The following PIP5K1C variants were observed in gnomAD, a reference collection of about 807,000 sequenced individuals.
PIP5K1C encodes phosphatidylinositol-4-phosphate 5-kinase type 1 gamma.
A neutral mutation model predicts 80.1 loss-of-function variants in PIP5K1C; 45 were observed. That is an observed-to-expected ratio of 0.56 (90% CI 0.44 to 0.72). The LOEUF is 0.72. Among genes scored for constraint, PIP5K1C ranks in the 30% least tolerant of loss-of-function variants. The pLI is 0.00. For synonymous variants in PIP5K1C, 498 were observed against 420.1 expected (o/e 1.19, Z -2.27); for missense variants, 753 against 954.6 (o/e 0.79, Z 2.78).
In PIP5K1C at chr19:3,696,984, C is replaced by T. The variant is rs1440901413; in HGVS notation, c.94+3313G>A. On this transcript the variant is annotated intron_variant, in intron 1 of 17. Coordinates refer to ENST00000335312, the MANE Select transcript of PIP5K1C (RefSeq NM_012398.3). The surrounding 1 kb of genome is among the most constrained non-coding windows in gnomAD (Gnocchi z 4.1). The stretch of plus-strand genomic sequence containing the variant: ...GAGGACTGAGCTGGACCGAGGAGGA[C>T]TGAGCTGGACGGAGGAGGATCGAGC... Among the ~76,000 whole-genome samples, 1 of 152,022 alleles carries T rather than the reference C, an allele frequency of 6.6e-6. No homozygotes were observed. The highest frequency in any genetic ancestry group is 1.5e-5 in the Non-Finnish European group (1 of 67,978).
chr19:3,677,764 ATGGAG>A (rs2035410651), intron 1 of PIP5K1C, among the ~76,000 whole-genome samples: 1 of 75,330 alleles, frequency 1.3e-5, no homozygotes, highest in Admixed American at 1.2e-4. Flanking sequence ...GGGATGGAGG[ATGGAG>A]GATGGAGGGA....
chr19:3,668,991 C>G (rs1257914124), intron 1 of PIP5K1C, among the ~76,000 whole-genome samples: 1 of 152,160 alleles, frequency 6.6e-6, no homozygotes, highest in Non-Finnish European at 1.5e-5. Context: ...GATGCTGGCA[C>G]CACCCAGGGC....
chr19:3,651,971 G>C lies in PIP5K1C; in HGVS notation c.982C>G (p.Gln328Glu), dbSNP rs1299486963. Residue 328 changes from glutamine to glutamate, a missense_variant, in exon 8 of 18, where the codon CAG (glutamine) becomes GAG (glutamate). Around this residue, in one of 6 missense-constraint regions of PIP5K1C, gnomAD observed 105 missense variants for 133.4 expected, o/e 0.79. Coordinates refer to ENST00000335312, the MANE Select transcript of PIP5K1C (RefSeq NM_012398.3). The stretch of plus-strand genomic sequence containing the variant: ...TGCGCCTGCCGCTCGCGCTCGTGCT[G>C]GTCGATGTTGTGCACGCCCAGCAGC... ...SLLLGVHNID[Q>E]HERERQAQGA... The C allele has an allele frequency of 6.2e-7, 1 of 1,613,120 alleles. No homozygotes were observed. Among genetic ancestry groups the C allele is most frequent in the Non-Finnish European group, 8.5e-7 (1 of 1,179,974 alleles).
chr19:3,681,487 C>T (rs1416477898), intron 1 of PIP5K1C, among the ~76,000 whole-genome samples: 1 of 152,138 alleles, frequency 6.6e-6, no homozygotes, highest in Admixed American at 6.5e-5. Context: ...CCACCTCGGC[C>T]TCCCAAAGTG....
At position 3,637,134 on chromosome 19, in the gene PIP5K1C, G is replaced by T; in HGVS notation, c.1920+1750C>A. On this transcript the variant is annotated intron_variant, in intron 16 of 17. Coordinates refer to ENST00000335312, the MANE Select transcript of PIP5K1C (RefSeq NM_012398.3). This position sits in a 1 kb window ranked among gnomAD's most constrained non-coding sequence, Gnocchi z 7.0. ...TGCTGACCTGTGCAACCTCCCCTGTGCAGCCAGCGGGGCCACGGGCAGCCA... is the reference window on the plus strand; with the variant it reads ...TGCTGACCTGTGCAACCTCCCCTGTTCAGCCAGCGGGGCCACGGGCAGCCA... 3 of 1,383,106 alleles carry T rather than the reference G, an allele frequency of 2.2e-6. No individual in the cohort carries two copies. Among genetic ancestry groups the T allele is most frequent in the East Asian group, 5.7e-5 (2 of 35,274 alleles). The allele number at this position is 1,383,106 out of a possible 1,614,324, so 85.7% of individuals were successfully genotyped here.
chr19:3,679,295 C>T (rs2035514774), intron 1 of PIP5K1C, among the ~76,000 whole-genome samples: 1 of 152,104 alleles, frequency 6.6e-6, no homozygotes, highest in Non-Finnish European at 1.5e-5. Context: ...GGCTCCCCAC[C>T]CAGCACCACA....
At chr19:3,694,334 C>T (rs1032168058) in intron 1 of PIP5K1C, among the ~76,000 whole-genome samples, 2 of 152,180 alleles carry the variant, frequency 1.3e-5, no homozygotes. Context: ...CCCAGGCTCC[C>T]GGAGCCTCCA....
At chr19:3,666,662 T>C (rs1210571109) in intron 2 of PIP5K1C, among the ~76,000 whole-genome samples, 1 of 138,442 alleles carries the variant, frequency 7.2e-6, no homozygotes, top group Non-Finnish European at 1.5e-5. Context: ...CACGCAAACA[T>C]GCACACACAC....
intron 13 of PIP5K1C, 24 bp downstream of exon 13, chr19:3,643,219 A>G (rs1375693835): frequency 6.2e-7 from 1 of 1,610,992 alleles, no homozygotes. Context: ...CCCCGCCCAC[A>G]TGCACTGCGG....
chr19:3,683,455 G>A (rs750875930), intron 1 of PIP5K1C, among the ~76,000 whole-genome samples: 3 of 152,202 alleles, frequency 2.0e-5, no homozygotes, highest in Admixed American at 1.3e-4. Flanking sequence ...GGCCAGAGAC[G>A]AGCTAGCCCA....
Position 3,641,787 on chromosome 19 carries a change from C to T in PIP5K1C, c.1705G>A (p.Glu569Lys). Residue 569 changes from glutamate to lysine, a missense_variant, in exon 15 of 18, where the codon GAA becomes AAA. Physicochemically the swap from Glu to Lys is moderately conservative, Grantham distance 56. Coordinates refer to ENST00000335312, the MANE Select transcript of PIP5K1C (RefSeq NM_012398.3). ...ACTGTAATCTGCTGCAGATCCTCTT[C>T]CGCGGGTGGCTCCTCCTGCGGCCTG... ...DGRPQEEPPA[E>K]EDLQQITVQV... 1 of 1,612,084 alleles carries T rather than the reference C, an allele frequency of 6.2e-7. No individual in the cohort carries two copies. Among genetic ancestry groups the T allele is most frequent in the Non-Finnish European group, 8.5e-7 (1 of 1,180,002 alleles).
chr19:3,687,793 T>C (rs1366215764), intron 1 of PIP5K1C, among the ~76,000 whole-genome samples: 1 of 151,324 alleles, frequency 6.6e-6, no homozygotes, highest in Non-Finnish European at 1.5e-5. Flanking sequence ...CCCTGCCGGG[T>C]GCTCCCCGCA....
intron 1 of PIP5K1C, chr19:3,668,312 G>C (rs1424172919): frequency 1.3e-5 from 2 of 152,248 alleles, no homozygotes; most frequent in Non-Finnish European, 2.9e-5. Flanking sequence ...CTCTACAGCT[G>C]TGATTACAGG....
At position 3,648,953 on chromosome 19, in the gene PIP5K1C, T is replaced by C. The variant is rs2066800073; in HGVS notation, c.1128-245A>G. On this transcript the variant is annotated intron_variant, in intron 8 of 17. Transcript: ENST00000335312. The surrounding 1 kb of genome is among the most constrained non-coding windows in gnomAD (Gnocchi z 4.3). ...CTAGGAGGCCTGGGCACATACCCCC[T>C]ACACACACGTGTGCCTGGACACACA... Among the ~76,000 whole-genome samples, 1 of 152,050 alleles carries C rather than the reference T, an allele frequency of 6.6e-6. No homozygotes were observed. The highest frequency in any genetic ancestry group is 6.5e-5 in the Admixed American group (1 of 15,272).
rs1438349775 is a variant in PIP5K1C at position 3,631,393 on chromosome 19, T to TG, written c.*1773dup. On this transcript the variant is annotated 3_prime_UTR_variant, in exon 18 of 18. Transcript: ENST00000335312. The stretch of plus-strand genomic sequence containing the variant: ...TGCCCCTGCCTCCCCGGGGGGTGCC[T>TG]GCTGGGTGTCCTTCGGAGGGACAGG... 1 of 152,672 alleles carries TG rather than the reference T, an allele frequency of 6.5e-6. No homozygotes were observed. Among genetic ancestry groups the TG allele is most frequent in the East Asian group, 1.9e-4 (1 of 5,200 alleles). 9.5% of individuals were successfully genotyped at this position (152,672 alleles called of 1,614,324 possible). A position where few individuals can be genotyped will look rare whatever the true frequency, so the allele number is the denominator to read the frequency against.
At chr19:3,690,656 G>A (rs2035920042) in intron 1 of PIP5K1C, among the ~76,000 whole-genome samples, 1 of 152,092 alleles carries the variant, frequency 6.6e-6, no homozygotes, top group Non-Finnish European at 1.5e-5. Flanking sequence ...CAAAATACCT[G>A]CCAGACGTTA....
At chr19:3,646,944 AG>A (rs2034244434) in intron 10 of PIP5K1C, among the ~76,000 whole-genome samples, 1 of 125,682 alleles carries the variant, frequency 8.0e-6, no homozygotes, top group African/African-American at 3.1e-5. Context: ...GCACTCACAG[AG>A]GGAGGAGGGA....
intron 14 of PIP5K1C, among the ~76,000 whole-genome samples, chr19:3,642,608 G>A (rs1313826904): frequency 1.3e-5 from 2 of 152,180 alleles, no homozygotes; most frequent in Non-Finnish European, 2.9e-5. Context: ...CAGGCCGTGG[G>A]CAGGAGGGGG....
At position 3,643,270 on chromosome 19, in the gene PIP5K1C, G is replaced by C. The variant is rs780859590; in HGVS notation, c.1622C>G (p.Ser541Trp). Residue 541 changes from serine (S) to tryptophan (W), a missense_variant, in exon 13 of 18, where the codon TCG (serine) becomes TGG (tryptophan). This residue lies in a region of PIP5K1C where 315 missense variants were observed against 294.5 expected (regional missense o/e 1.07). Coordinates refer to ENST00000335312, the MANE Select transcript of PIP5K1C (RefSeq NM_012398.3). Reference protein sequence around the residue: ...TSLSIPERSPSETSEQPRYRR... With the variant: ...TSLSIPERSPWETSEQPRYRR... ...GTACCGCGGCTGCTCCGACGTCTCC[G>C]AGGGGGACCGCTCAGGAATGGAGAG... The C allele has an allele frequency of 6.2e-7, 1 of 1,613,734 alleles. No individual in the cohort carries two copies. The highest frequency in any genetic ancestry group is 1.1e-5 in the South Asian group (1 of 91,092).
Sources: allele counts gnomAD v4.1 joint callset (sites outside exome capture counted in the v4.1 genomes callset), GRCh38; gene constraint gnomAD v4.1.1; regional missense constraint gnomAD v4.1.1; non-coding constraint Gnocchi (gnomAD v3.1); transcripts MANE v1.5; gene names NCBI Gene and HGNC (gene_info 2026-07-23, HGNC 2026-07-21).